The following ANKRD31 variants were observed in gnomAD, a reference collection of about 807,000 sequenced individuals.
ANKRD31 encodes ankyrin repeat domain-containing protein 31.
ANKRD31 carries 147 observed loss-of-function variants against 186.0 expected under a neutral mutation model. The ratio of observed to expected loss-of-function variants is 0.79; its 90% confidence interval spans 0.69 to 0.91. ANKRD31 has a LOEUF of 0.91. ANKRD31 is among the 40% of genes least tolerant of loss of function. ANKRD31 has a pLI of 0.00. For missense variants in ANKRD31, 1,986 were observed against 2,148.8 expected, an observed-to-expected ratio of 0.92 and a Z score of 1.50; for synonymous variants, 673 against 736.4, an observed-to-expected ratio of 0.91 and a Z score of 1.39.
At chr5:75,212,188 C>T (rs535839313) in intron 3 of ANKRD31, among the ~76,000 whole-genome samples, 225 of 152,100 alleles carry the variant, frequency 1.5e-3, no homozygotes, top group African/African-American at 4.9e-3. Context: ...GAGAAGTGCT[C>T]TTTTTTTTAT....
At chr5:75,204,811 T>C (rs1283623113) in intron 5 of ANKRD31, among the ~76,000 whole-genome samples, 1 of 152,234 alleles carries the variant, frequency 6.6e-6, no homozygotes, top group Non-Finnish European at 1.5e-5. Flanking sequence ...TAAACAAAAA[T>C]ATCCTATGTT....
At chr5:75,128,736 G>A (rs1055029847) in intron 17 of ANKRD31, among the ~76,000 whole-genome samples, 3 of 150,268 alleles carry the variant, frequency 2.0e-5, no homozygotes, top group African/African-American at 7.3e-5. Flanking sequence ...GGATGATCTC[G>A]ATCTCCTGAC....
chr5:75,204,139 C>T (rs574805001), intron 5 of ANKRD31, among the ~76,000 whole-genome samples: 101 of 152,210 alleles, frequency 6.6e-4, no homozygotes, highest in African/African-American at 2.4e-3. Flanking sequence ...ACAATTTAAA[C>T]TAAAAATTTG....
intron 11 of ANKRD31, among the ~76,000 whole-genome samples, chr5:75,161,727 C>T (rs1035183640): frequency 9.9e-5 from 15 of 152,138 alleles, no homozygotes; most frequent in Admixed American, 3.9e-4. Flanking sequence ...GCCAGGGTCC[C>T]GATGCTGTGT....
intron 2 of ANKRD31, among the ~76,000 whole-genome samples, 192 bp downstream of exon 2, chr5:75,230,370 G>C (rs1181278717): frequency 6.6e-6 from 1 of 152,080 alleles, no homozygotes; most frequent in Non-Finnish European, 1.5e-5. Context: ...TTAGAAGTTC[G>C]GTGATGTTCT....
At chr5:75,214,369 G>A (rs1470769105) in intron 3 of ANKRD31, among the ~76,000 whole-genome samples, 1 of 152,196 alleles carries the variant, frequency 6.6e-6, no homozygotes, top group Admixed American at 6.5e-5. Flanking sequence ...AAGCAAGTTA[G>A]GATGAATTAA....
rs550099798 is a variant in ANKRD31, at chr5:75,163,190, GA to G, written c.1707+5788del. Among the ~76,000 whole-genome samples the G allele has an allele frequency of 2.7e-4, 41 of 152,280 alleles. No homozygotes were observed. The South Asian group carries it at 6.4e-3, about 24-fold the overall frequency. On this transcript the variant is annotated intron_variant, in intron 11 of 25. Coordinates refer to ENST00000506364, the MANE Select transcript of ANKRD31 (RefSeq NM_001372053.1). ...AGTACAAGTTTAATATTCTTTATTT[GA>G]AATGCTTGGGACCAGCAGTATTTAG...
chr5:75,169,457 G>C (rs1193355753), intron 10 of ANKRD31, among the ~76,000 whole-genome samples: 2 of 152,186 alleles, frequency 1.3e-5, no homozygotes, highest in East Asian at 1.9e-4. Flanking sequence ...TTTCTGCAGA[G>C]ATGAGGGGAG....
At chr5:75,150,834 C>A (rs1216249719) in intron 12 of ANKRD31, among the ~76,000 whole-genome samples, 1 of 151,964 alleles carries the variant, frequency 6.6e-6, no homozygotes, top group Admixed American at 6.6e-5. Context: ...TTGCCTCCAA[C>A]TGAATTTTAT....
Position 75,105,119 on chromosome 5 carries a change from T to C in ANKRD31, c.4440A>G (p.Lys1480=). ...KSLLVVAKKQ[K]KISLKIQNCR... is the part of the protein sequence containing the mutation. ...AGTTTTGAATTTTCAGGCTTATTTT[T>C]TTCTGTTTTTTTGCCACAACTAAAA... is the stretch of plus-strand genomic sequence containing the variant. Residue 1480 remains lysine (K), a synonymous_variant, in exon 22 of 26, where the codon AAA becomes AAG. Transcript: ENST00000506364. The C allele has an allele frequency of 6.5e-7, 1 of 1,537,110 alleles. No homozygotes were observed. Among genetic ancestry groups the C allele is most frequent in the Non-Finnish European group, 8.7e-7 (1 of 1,146,850 alleles).
chr5:75,206,063 CA>C (rs1756156024), intron 5 of ANKRD31, among the ~76,000 whole-genome samples: 1 of 150,800 alleles, frequency 6.6e-6, no homozygotes, highest in Admixed American at 6.6e-5. Flanking sequence ...AAGTCAATAG[CA>C]ACACTGATTT....
At chr5:75,110,897 A>G (rs1459540885) in intron 20 of ANKRD31, among the ~76,000 whole-genome samples, 2 of 150,818 alleles carry the variant, frequency 1.3e-5, no homozygotes, top group African/African-American at 2.4e-5. Flanking sequence ...TACTATCTAT[A>G]AAATAGAATT....
intron 23 of ANKRD31, among the ~76,000 whole-genome samples, chr5:75,086,416 G>T (rs1403683889): frequency 6.6e-6 from 1 of 152,140 alleles, no homozygotes; most frequent in African/African-American, 2.4e-5. Flanking sequence ...GTTGGCTAAA[G>T]CATAAGGGCA....
chr5:75,115,651 T>C (rs1402464601), intron 19 of ANKRD31, among the ~76,000 whole-genome samples: 2 of 151,942 alleles, frequency 1.3e-5, no homozygotes, highest in African/African-American at 4.8e-5. Flanking sequence ...AAAAAACACA[T>C]GAAAAAATGC....
intron 22 of ANKRD31, among the ~76,000 whole-genome samples, chr5:75,098,758 T>C (rs1284651633): frequency 6.6e-6 from 1 of 152,338 alleles, no homozygotes; most frequent in Non-Finnish European, 1.5e-5. Context: ...ATAGAAATGC[T>C]TGTGATTTTT....
chr5:75,165,710 A>G (rs1752875600), intron 11 of ANKRD31, among the ~76,000 whole-genome samples: 1 of 152,202 alleles, frequency 6.6e-6, no homozygotes, highest in Non-Finnish European at 1.5e-5. Flanking sequence ...AATACCACAA[A>G]GATAAAATGA....
chr5:75,206,258 T>A (rs1380183783), intron 5 of ANKRD31, among the ~76,000 whole-genome samples, 153 bp downstream of exon 5: 1 of 1,524 alleles, frequency 6.6e-4, no homozygotes. Context: ...AATATATATA[T>A]ATATATATAT....
At chr5:75,080,921 ATT>A (rs75298527) in intron 24 of ANKRD31, among the ~76,000 whole-genome samples, 8 of 142,468 alleles carry the variant, frequency 5.6e-5, no homozygotes, top group East Asian at 2.0e-4. Context: ...ACACAAAATT[ATT>A]TTTTTTTTTT....
At chr5:75,081,442 AGAACCCATTTCT>A (rs1745069858) in intron 24 of ANKRD31, among the ~76,000 whole-genome samples, 1 of 152,258 alleles carries the variant, frequency 6.6e-6, no homozygotes, top group Admixed American at 6.5e-5. Context: ...ATAGCAGTTC[AGAACCCATTTCT>A]GACTTCATGC....
Sources: allele counts gnomAD v4.1 joint callset (sites outside exome capture counted in the v4.1 genomes callset), GRCh38; gene constraint gnomAD v4.1.1; transcripts MANE v1.5; gene names NCBI Gene and HGNC (gene_info 2026-07-23, HGNC 2026-07-21).